The following CERS6 variants were observed in gnomAD, a reference collection of about 807,000 sequenced individuals.
CERS6 encodes ceramide synthase 6.
In CERS6, 26 loss-of-function variants were observed where a neutral mutation model predicts 56.8. The observed-to-expected ratio is 0.46, with a 90% CI of 0.34 to 0.63. The LOEUF (loss-of-function observed/expected upper bound fraction) is 0.63, where lower values mean the gene tolerates loss of function less well. Among genes scored for constraint, CERS6 ranks in the 30% least tolerant of loss-of-function variants. The pLI is 0.01. For missense variants in CERS6, 415 were observed against 467.5 expected (o/e 0.89, Z 1.04); for synonymous variants, 164 against 173.3 (o/e 0.95, Z 0.42).
chr2:168,743,683 G>A (rs769557881), intron 8 of CERS6, among the ~76,000 whole-genome samples: 14 of 152,160 alleles, frequency 9.2e-5, no homozygotes, highest in Non-Finnish European at 1.9e-4. Flanking sequence ...TGAATCTAAA[G>A]GGGAATATTT....
chr2:168,468,641 T>C (rs1055684633), intron 1 of CERS6, among the ~76,000 whole-genome samples: 4 of 152,238 alleles, frequency 2.6e-5, no homozygotes, highest in African/African-American at 9.6e-5. Flanking sequence ...GTTGAAACTC[T>C]TATTTTCAGA....
intron 1 of CERS6, 151 bp from the exon 2 acceptor site, chr2:168,547,445 C>T (rs1245675110): frequency 5.3e-6 from 3 of 561,442 alleles, no homozygotes; most frequent in Non-Finnish European, 9.6e-6. Context: ...GTCTGCCTTA[C>T]AGTTACTGAC....
intron 6 of CERS6, among the ~76,000 whole-genome samples, chr2:168,708,415 T>A (rs539787580): frequency 6.6e-6 from 1 of 152,204 alleles, no homozygotes; most frequent in Non-Finnish European, 1.5e-5. Flanking sequence ...AGAAGTCATA[T>A]ACATTTGTAT....
chr2:168,607,571 G>A (rs527545002), intron 3 of CERS6, among the ~76,000 whole-genome samples: 10 of 152,126 alleles, frequency 6.6e-5, no homozygotes, highest in African/African-American at 1.9e-4. Context: ...TAGTAGAGAC[G>A]GGGTTTCACC....
intron 8 of CERS6, among the ~76,000 whole-genome samples, chr2:168,733,929 AG>A (rs2105416655): frequency 6.6e-6 from 1 of 152,302 alleles, no homozygotes; most frequent in South Asian, 2.1e-4. Context: ...TTCAAAATGG[AG>A]GGGTCAGCAG....
At chr2:168,636,810 G>A (rs913578994) in intron 4 of CERS6, among the ~76,000 whole-genome samples, 1 of 152,038 alleles carries the variant, frequency 6.6e-6, no homozygotes, top group Non-Finnish European at 1.5e-5. Context: ...CTTCTGTGTT[G>A]GCTTGTGGCT....
At chr2:168,609,341 C>A (rs534221236) in intron 3 of CERS6, among the ~76,000 whole-genome samples, 22 of 152,336 alleles carry the variant, frequency 1.4e-4, no homozygotes, top group African/African-American at 5.3e-4. Flanking sequence ...ATGATGAAAT[C>A]TTTGACAGTG....
chr2:168,731,171 G>A (rs905386046), intron 8 of CERS6, among the ~76,000 whole-genome samples: 1 of 152,122 alleles, frequency 6.6e-6, no homozygotes, highest in South Asian at 2.1e-4. Context: ...ACCTAGTGGT[G>A]TATGCTAATT....
chr2:168,572,494 A>G (rs76620748), intron 3 of CERS6, among the ~76,000 whole-genome samples: 5,823 of 151,872 alleles, frequency 0.038, 276 homozygotes, highest in African/African-American at 0.1. Flanking sequence ...CTGAAGCACA[A>G]TGTTAGAGAA....
chr2:168,481,186 T>C (rs934353091), intron 1 of CERS6, among the ~76,000 whole-genome samples: 2 of 152,062 alleles, frequency 1.3e-5, no homozygotes, highest in Non-Finnish European at 2.9e-5. Flanking sequence ...GAGGCTGAGG[T>C]GGGCGGATCA....
intron 6 of CERS6, among the ~76,000 whole-genome samples, chr2:168,700,125 A>G (rs1389038266): frequency 2.0e-5 from 3 of 152,216 alleles, no homozygotes; most frequent in African/African-American, 7.2e-5. Flanking sequence ...TACATCTTAT[A>G]AAAGATTCCT....
At chr2:168,737,748 T>C (rs778004477) in intron 8 of CERS6, among the ~76,000 whole-genome samples, 1 of 152,376 alleles carries the variant, frequency 6.6e-6, no homozygotes, top group Middle Eastern at 3.4e-3. Context: ...AGTTTTCTTT[T>C]GTCCTAAAAG....
chr2:168,710,342 G>T (rs1486764018), intron 6 of CERS6, among the ~76,000 whole-genome samples: 1 of 152,116 alleles, frequency 6.6e-6, no homozygotes, highest in East Asian at 1.9e-4. Context: ...CTTTCAGTGA[G>T]CCAAGAGCAA....
rs548370717 is a variant in CERS6, at chr2:168,594,883, A to G, written c.407+33561A>G. ...GTATCTTAATGTTTGTTTTTCCCCC[A>G]GCTAGACTGCCTGTGTATTCGGGCT... On this transcript the variant is annotated intron_variant, in intron 3 of 9. Coordinates refer to ENST00000305747, the MANE Select transcript of CERS6 (RefSeq NM_203463.3). Among the ~76,000 whole-genome samples the G allele has an allele frequency of 2.8e-4, 43 of 152,300 alleles. 2 individuals are homozygous for G. In the South Asian group the frequency reaches 8.9e-3, roughly 32 times the overall value.
chr2:168,466,964 T>C (rs559412858), intron 1 of CERS6, among the ~76,000 whole-genome samples: 1 of 152,320 alleles, frequency 6.6e-6, no homozygotes, highest in African/African-American at 2.4e-5. Context: ...ATCTTTGAGG[T>C]TTTCAGGTTA....
At chr2:168,714,238 G>A (rs968932868) in intron 6 of CERS6, among the ~76,000 whole-genome samples, 8 of 152,196 alleles carry the variant, frequency 5.3e-5, no homozygotes, top group South Asian at 2.1e-4. Context: ...TAATATTATC[G>A]CCTTGAGCAT....
At chr2:168,594,178 G>T (rs543373243) in intron 3 of CERS6, among the ~76,000 whole-genome samples, 2 of 152,252 alleles carry the variant, frequency 1.3e-5, no homozygotes, top group Non-Finnish European at 2.9e-5. Flanking sequence ...ACTTATAAGA[G>T]TTATTCCTAA....
chr2:168,650,630 A>G (rs996393903), intron 4 of CERS6, among the ~76,000 whole-genome samples: 1 of 151,878 alleles, frequency 6.6e-6, no homozygotes, highest in Non-Finnish European at 1.5e-5. Flanking sequence ...CTCCAAAGGC[A>G]GTATCTGATT....
intron 4 of CERS6, among the ~76,000 whole-genome samples, chr2:168,641,758 T>C (rs898480877): frequency 2.0e-5 from 3 of 152,186 alleles, no homozygotes; most frequent in Non-Finnish European, 4.4e-5. Flanking sequence ...TGAAGTATCA[T>C]GTCTGAGTGC....
Sources: gnomAD v4.1 joint callset for allele counts (sites outside exome capture counted in the v4.1 genomes callset) on GRCh38, gnomAD v4.1.1 for gene constraint, MANE v1.5 for transcripts, NCBI Gene and HGNC (gene_info 2026-07-23, HGNC 2026-07-21) for gene names.